The following EDIL3 variants were observed in gnomAD, a reference collection of about 807,000 sequenced individuals.
EDIL3 encodes EGF-like repeat and discoidin I-like domain-containing protein 3.
Under a neutral mutation model 67.4 loss-of-function variants are expected in EDIL3, and 37 were observed. The ratio of observed to expected loss-of-function variants is 0.55; its 90% CI spans 0.42 to 0.72. EDIL3 has a LOEUF of 0.72. Ranked by LOEUF, EDIL3 falls within the 30% of genes least tolerant of loss-of-function variation. The pLI, the probability that EDIL3 is intolerant of heterozygous loss-of-function variation, is 0.00. For synonymous variants in EDIL3, 195 were observed against 196.3 expected (o/e 0.99, Z 0.05); for missense variants, 527 against 586.3 (o/e 0.90, Z 1.04).
intron 9 of EDIL3, among the ~76,000 whole-genome samples, chr5:83,985,428 T>C (rs1745042463): frequency 6.6e-6 from 1 of 152,108 alleles, no homozygotes; most frequent in Non-Finnish European, 1.5e-5. Context: ...GTGTTTACAC[T>C]TAATATTTTT....
chr5:84,231,043 C>T (rs1744567101), intron 2 of EDIL3, among the ~76,000 whole-genome samples: 1 of 152,124 alleles, frequency 6.6e-6, no homozygotes, highest in Admixed American at 6.5e-5. Context: ...CTGGGCTCCA[C>T]ATAGAACCAA....
chr5:84,020,976 A>C (rs537220589), intron 9 of EDIL3, among the ~76,000 whole-genome samples: 26 of 152,190 alleles, frequency 1.7e-4, no homozygotes, highest in Middle Eastern at 3.4e-3. Flanking sequence ...GTTAGATTCA[A>C]GAAAAAATTA....
chr5:84,330,999 G>T (rs1333167350), intron 1 of EDIL3, among the ~76,000 whole-genome samples: 3 of 152,196 alleles, frequency 2.0e-5, no homozygotes, highest in Admixed American at 1.3e-4. Flanking sequence ...GATCATTTTG[G>T]AACTTTAAGG....
chr5:84,341,326 G>A (rs76057886), intron 1 of EDIL3, among the ~76,000 whole-genome samples: 2,797 of 152,144 alleles, frequency 0.018, 99 homozygotes, highest in African/African-American at 0.063. Flanking sequence ...TAGGAACAGA[G>A]CAGTCAACAA....
chr5:84,321,901 A>G (rs192419881), intron 1 of EDIL3, among the ~76,000 whole-genome samples: 21 of 152,266 alleles, frequency 1.4e-4, no homozygotes, highest in Admixed American at 1.3e-4. Context: ...ACATAGAAGG[A>G]CAGGACATTG....
chr5:84,228,954 C>T (rs1744504873), intron 3 of EDIL3, among the ~76,000 whole-genome samples: 1 of 152,114 alleles, frequency 6.6e-6, no homozygotes, highest in South Asian at 2.1e-4. Context: ...GCTCTTGTCT[C>T]TCAGGCCTAA....
intron 1 of EDIL3, among the ~76,000 whole-genome samples, chr5:84,285,993 A>G (rs1745799686): frequency 6.6e-6 from 1 of 152,172 alleles, no homozygotes; most frequent in Non-Finnish European, 1.5e-5. Context: ...GGCGGCCAGA[A>G]TCTCAACCTA....
intron 1 of EDIL3, among the ~76,000 whole-genome samples, chr5:84,335,102 C>T (rs1746959411): frequency 6.6e-6 from 1 of 152,104 alleles, no homozygotes; most frequent in Admixed American, 6.6e-5. Context: ...CTTCTCATTA[C>T]TTATTCCTGA....
At chr5:84,222,716 T>C (rs567456986) in intron 3 of EDIL3, among the ~76,000 whole-genome samples, 11 of 151,890 alleles carry the variant, frequency 7.2e-5, no homozygotes, top group African/African-American at 2.2e-4. Context: ...ATGGTTTTCA[T>C]TGGAATTTCA....
intron 1 of EDIL3, among the ~76,000 whole-genome samples, chr5:84,371,530 C>A (rs999197179): frequency 2.1e-4 from 31 of 148,726 alleles, no homozygotes; most frequent in Non-Finnish European, 4.5e-5. Flanking sequence ...TACTTAAAGA[C>A]CCCCTACCAA....
At chr5:84,307,968 T>C (rs539475027) in intron 1 of EDIL3, among the ~76,000 whole-genome samples, 41 of 152,322 alleles carry the variant, frequency 2.7e-4, no homozygotes, top group Middle Eastern at 6.8e-3. Flanking sequence ...GATTCCTGCA[T>C]TGTCCTTTTA....
intron 1 of EDIL3, among the ~76,000 whole-genome samples, chr5:84,255,656 T>G (rs1379331548): frequency 6.6e-6 from 1 of 152,182 alleles, no homozygotes; most frequent in East Asian, 1.9e-4. Context: ...TGAGAATTAT[T>G]TAAACTCTTT....
chr5:84,026,315 T>C (rs1745812314), intron 9 of EDIL3, among the ~76,000 whole-genome samples: 2 of 152,244 alleles, frequency 1.3e-5, no homozygotes, highest in South Asian at 4.1e-4. Flanking sequence ...TGATGCTTTA[T>C]GAAAAGAGCA....
At chr5:84,297,549 C>T (rs1283873776) in intron 1 of EDIL3, among the ~76,000 whole-genome samples, 6 of 151,926 alleles carry the variant, frequency 3.9e-5, no homozygotes, top group East Asian at 1.9e-4. Context: ...TGACGAATTC[C>T]GGCAGAGTCA....
intron 1 of EDIL3, among the ~76,000 whole-genome samples, chr5:84,276,085 AGT>A (rs1381344771): frequency 6.6e-6 from 1 of 152,122 alleles, no homozygotes; most frequent in African/African-American, 2.4e-5. Context: ...GCCACCCTGG[AGT>A]CATCCACTGT....
At chr5:84,067,486 T>G (rs1746665605) in intron 6 of EDIL3, among the ~76,000 whole-genome samples, 1 of 152,166 alleles carries the variant, frequency 6.6e-6, no homozygotes, top group African/African-American at 2.4e-5. Flanking sequence ...ATAAAATCTT[T>G]TAAATGTTCT....
intron 1 of EDIL3, among the ~76,000 whole-genome samples, chr5:84,364,114 T>C (rs1217826461): frequency 2.6e-5 from 4 of 152,162 alleles, no homozygotes; most frequent in Non-Finnish European, 5.9e-5. Flanking sequence ...CCTGATTCTA[T>C]AAAGGTATAA....
chr5:84,189,671 T>G (rs1473898657), intron 3 of EDIL3, among the ~76,000 whole-genome samples: 1 of 151,946 alleles, frequency 6.6e-6, no homozygotes, highest in Non-Finnish European at 1.5e-5. Context: ...AACCACTACT[T>G]GCATAATGGA....
chr5:84,083,359 G>T (rs1747011873), intron 6 of EDIL3, among the ~76,000 whole-genome samples: 1 of 151,948 alleles, frequency 6.6e-6, no homozygotes, highest in Non-Finnish European at 1.5e-5. Context: ...TGTCTTTAGG[G>T]TATGCAAAGA....
Sources: allele counts gnomAD v4.1 joint callset (sites outside exome capture counted in the v4.1 genomes callset), GRCh38; gene constraint gnomAD v4.1.1; transcripts MANE v1.5; gene names NCBI Gene and HGNC (gene_info 2026-07-23, HGNC 2026-07-21).